The following TEX51 variants were observed in gnomAD, a reference collection of about 807,000 sequenced individuals.
TEX51 encodes testis expressed 51.
Under a neutral mutation model 8.0 loss-of-function variants are expected in TEX51, and 14 were observed. The observed-to-expected ratio is 1.76, with a 90% CI of 1.16 to 2.75. The LOEUF (loss-of-function observed/expected upper bound fraction) is 2.75, where lower values mean the gene tolerates loss of function less well. Among genes scored for constraint, TEX51 ranks in the 30% most tolerant of loss-of-function variants. The pLI, the probability that TEX51 is intolerant of heterozygous loss-of-function variation, is 0.00. For missense variants in TEX51, 142 were observed against 77.4 expected (o/e 1.83, Z -3.13); for synonymous variants, 58 against 28.6 (o/e 2.03, Z -3.29).
In TEX51 at chr2:126,901,416, G is replaced by A. The variant is rs980681328; in HGVS notation, c.*2+12G>A. On this transcript the variant is annotated intron_variant, in intron 6 of 6. Transcript: ENST00000568484. The stretch of plus-strand genomic sequence containing the variant: ...AGGAGGCAGTAAAGGTACTGGGAAA[G>A]GAGACCCCGACCCAATTCTAGGGCT... 2.8e-6 allele frequency: 2 copies of A among 702,304 alleles called. No individual in the cohort carries two copies. Among genetic ancestry groups the A allele is most frequent in the Non-Finnish European group, 5.2e-6 (2 of 384,798 alleles). The allele number at this position is 702,304 out of a possible 1,614,324, so 43.5% of individuals were successfully genotyped here. A position where few individuals can be genotyped will look rare whatever the true frequency, so the allele number is the denominator to read the frequency against.
chr2:126,898,906 A>T lies in TEX51; in HGVS notation c.-13A>T. 1 of 696,714 alleles carries T rather than the reference A, an allele frequency of 1.4e-6. No homozygotes were observed. Among genetic ancestry groups the T allele is most frequent in the Non-Finnish European group, 2.6e-6 (1 of 381,936 alleles). 43.2% of individuals were successfully genotyped at this position (696,714 alleles called of 1,614,324 possible). A position where few individuals can be genotyped will look rare whatever the true frequency, so the allele number is the denominator to read the frequency against. On this transcript the variant is annotated 5_prime_UTR_variant, in exon 1 of 7. Coordinates refer to ENST00000568484, the MANE Select transcript of TEX51 (RefSeq NM_001322244.2). ...AGGCAGGGCACTGGGGCACAGTAGG[A>T]GGAACCCAGAAGATGCTGCCTCTCC...
chr2:126,900,854 C>A (rs1044897677), intron 4 of TEX51, among the ~76,000 whole-genome samples: 3 of 152,336 alleles, frequency 2.0e-5, no homozygotes, highest in African/African-American at 4.8e-5. Context: ...TATCCTTGAG[C>A]GTGTCCTGTG....
In TEX51 at chr2:126,899,947, A is replaced by G. The variant is rs1460088912; in HGVS notation, c.322A>G (p.Thr108Ala). Residue 108 changes from threonine to alanine, a missense_variant, in exon 4 of 7, where the codon ACA becomes GCA. Coordinates refer to ENST00000568484, the MANE Select transcript of TEX51 (RefSeq NM_001322244.2). The stretch of plus-strand genomic sequence containing the variant: ...CTCCCCTCCCATAGACATACAGTCC[A>G]CACTGAAGGTCACCAGCTGTGCTGA... The part of the protein sequence containing the change: ...DGLKEKDIQS[T>A]LKVTSCADCR... The G allele has an allele frequency of 1.4e-6, 1 of 701,884 alleles. No homozygotes were observed. Among genetic ancestry groups the G allele is most frequent in the Non-Finnish European group, 2.6e-6 (1 of 384,732 alleles). The allele number at this position is 701,884 out of a possible 1,614,324, so 43.5% of individuals were successfully genotyped here. A position where few individuals can be genotyped will look rare whatever the true frequency, so the allele number is the denominator to read the frequency against.
At chr2:126,899,377 A>T (rs1168786912) in intron 2 of TEX51, 86 bp downstream of exon 2, 1 of 695,516 alleles carries the variant, frequency 1.4e-6, no homozygotes, top group African/African-American at 1.8e-5. Flanking sequence ...CCATGTGGCC[A>T]TGGGTGGGAG....
chr2:126,900,000 T>C lies in TEX51; in HGVS notation c.375T>C (p.Asn125=), dbSNP rs763541440. ...GCAGGACTCACTTCCTCTCCTGCAATGACCCCACTTTCTGCCCAGGTCAGT... is the reference window on the plus strand; with the variant it reads ...GCAGGACTCACTTCCTCTCCTGCAACGACCCCACTTTCTGCCCAGGTCAGT... ...ADCRTHFLSC[N]DPTFCPARNR... The change falls in exon 4 of 7, where the codon AAT becomes AAC. Residue 125 remains asparagine (N), a synonymous_variant. Coordinates refer to ENST00000568484, the MANE Select transcript of TEX51 (RefSeq NM_001322244.2). 444 of 700,830 alleles carry C rather than the reference T, an allele frequency of 6.3e-4. 1 individual carries two copies. The highest frequency in any genetic ancestry group is 1.1e-3 in the Non-Finnish European group (411 of 384,770). 43.4% of individuals were successfully genotyped at this position (700,830 alleles called of 1,614,324 possible).
rs1558745456 is a variant in TEX51, at chr2:126,899,518, C to A, written c.221-5C>A. ...TGAACACCCCTTCCCTCCTGCTCTA[C>A]CCAGATAAAACAGTACTTCTGGAAG... On this transcript the variant is annotated splice_polypyrimidine_tract_variant and splice_region_variant and intron_variant, in intron 2 of 6. Transcript: ENST00000568484. 10 of 692,946 alleles carry A rather than the reference C, an allele frequency of 1.4e-5. No individual in the cohort carries two copies. 42.9% of individuals were successfully genotyped at this position (692,946 alleles called of 1,614,324 possible).
intron 4 of TEX51, 27 bp from the exon 5 acceptor site, chr2:126,901,183 C>T: frequency 1.6e-6 from 1 of 618,668 alleles, no homozygotes. Context: ...GGCCTCCAAA[C>T]ACCTGGCTTC....
intron 6 of TEX51, 169 bp downstream of exon 6, chr2:126,901,573 T>C (rs1394679862): frequency 1.6e-6 from 1 of 608,524 alleles, no homozygotes; most frequent in Non-Finnish European, 2.9e-6. Context: ...CTCATCAGCC[T>C]CCATATATGC....
At chr2:126,900,106 A>T in intron 4 of TEX51, 87 bp downstream of exon 4, 1 of 689,824 alleles carries the variant, frequency 1.4e-6, no homozygotes, top group Non-Finnish European at 2.7e-6. Context: ...TCTTTTGCCC[A>T]ACTCAAGCTT....
rs534198143 is a variant in TEX51 at position 126,899,949 on chromosome 2, A to C, written c.324A>C (p.Thr108=). 1.9e-4 allele frequency: 131 copies of C among 701,748 alleles called. No homozygotes were observed. The African/African-American group carries it at 1.9e-3, about 10-fold the overall frequency. The allele number at this position is 701,748 out of a possible 1,614,324, so 43.5% of individuals were successfully genotyped here. A position where few individuals can be genotyped will look rare whatever the true frequency, so the allele number is the denominator to read the frequency against. Residue 108 remains threonine (T), a synonymous_variant, in exon 4 of 7, where the codon ACA becomes ACC. Transcript: ENST00000568484. ...CCCCTCCCATAGACATACAGTCCACACTGAAGGTCACCAGCTGTGCTGACT... is the reference window on the plus strand; with the variant it reads ...CCCCTCCCATAGACATACAGTCCACCCTGAAGGTCACCAGCTGTGCTGACT... The part of the protein sequence containing the change: ...DGLKEKDIQS[T]LKVTSCADCR...
intron 2 of TEX51, 62 bp downstream of exon 2, chr2:126,899,353 G>A: frequency 1.4e-6 from 1 of 700,376 alleles, no homozygotes; most frequent in Non-Finnish European, 2.6e-6. Context: ...ACCCTCCAAG[G>A]CATTCTCAGA....
Position 126,900,613 on chromosome 2 carries a change from C to A in TEX51, c.394+594C>A, listed in dbSNP as rs77108556. Among the ~76,000 whole-genome samples the A allele has an allele frequency of 7.0e-4, 107 of 152,152 alleles. 1 individual carries two copies. The East Asian group carries it at 0.02, about 29-fold the overall frequency. On this transcript the variant is annotated intron_variant, in intron 4 of 6. Transcript: ENST00000568484. ...TCCCATAGTTTCATTCTAACCTCCA[C>A]TCTCAGGCCTCCTCATCTCTCATCT...
chr2:126,901,722 C>A (rs1680342125), intron 6 of TEX51, 150 bp from the exon 7 acceptor site: 1 of 573,438 alleles, frequency 1.7e-6, no homozygotes, highest in South Asian at 2.3e-5. Flanking sequence ...CTGCCCTGAC[C>A]CACAGGGACC....
chr2:126,901,578 A>G (rs1402009033), intron 6 of TEX51, 174 bp downstream of exon 6: 1 of 605,402 alleles, frequency 1.7e-6, no homozygotes, highest in Non-Finnish European at 2.9e-6. Flanking sequence ...CAGCCTCCAT[A>G]TATGCAGACA....
intron 2 of TEX51, 22 bp from the exon 3 acceptor site, chr2:126,899,501 C>G: frequency 1.4e-6 from 1 of 696,246 alleles, no homozygotes; most frequent in South Asian, 1.5e-5. Flanking sequence ...CCTGAACACC[C>G]CTTCCCTCCT....
chr2:126,901,809 A>G (rs1042707434), intron 6 of TEX51, 63 bp from the exon 7 acceptor site: 1 of 569,016 alleles, frequency 1.8e-6, no homozygotes, highest in Non-Finnish European at 3.1e-6. Context: ...TTAGAGAGAC[A>G]GGGAGGAGGC....
At chr2:126,899,915 C>A in intron 3 of TEX51, 21 bp from the exon 4 acceptor site, 1 of 702,214 alleles carries the variant, frequency 1.4e-6, no homozygotes, top group Admixed American at 2.0e-5. Flanking sequence ...CCCCCTAGCC[C>A]CTGTCCCTCC....
At position 126,899,583 on chromosome 2, in the gene TEX51, AT is replaced by A; in HGVS notation, c.282del (p.Asn94LysfsTer7). ...THKNLFTERLNKISDGLKEKD... is the reference protein window; with the variant it reads ...THKNLFTERLXKISDGLKEKD... The stretch of plus-strand genomic sequence containing the variant: ...AAGAATCTCTTTACTGAGAGGCTGA[AT>A]AAGATATCTGATGGGCTGAAGGAGA... On this transcript the variant is annotated frameshift_variant, in exon 3 of 7. Transcript: ENST00000568484. LOFTEE classifies it high-confidence loss of function. 1 of 702,154 alleles carries A rather than the reference AT, an allele frequency of 1.4e-6. No homozygotes were observed. Among genetic ancestry groups the A allele is most frequent in the Non-Finnish European group, 2.6e-6 (1 of 384,762 alleles). 43.5% of individuals were successfully genotyped at this position (702,154 alleles called of 1,614,324 possible).
In TEX51 at chr2:126,901,936, T is replaced by A; in HGVS notation, c.*67T>A. 1.5e-6 allele frequency: 1 copy of A among 670,822 alleles called. No homozygotes were observed. Among genetic ancestry groups the A allele is most frequent in the Non-Finnish European group, 2.7e-6 (1 of 368,990 alleles). The allele number at this position is 670,822 out of a possible 1,614,324, so 41.6% of individuals were successfully genotyped here. ...GCCGCAGCTACCACCGTCACAAAGT[T>A]CACTCATCTCTGGGTCCCGGTGACC... On this transcript the variant is annotated 3_prime_UTR_variant, in exon 7 of 7. Transcript: ENST00000568484.
Sources: gnomAD v4.1 joint callset for allele counts (sites outside exome capture counted in the v4.1 genomes callset) on GRCh38, gnomAD v4.1.1 for gene constraint, MANE v1.5 for transcripts, NCBI Gene and HGNC (gene_info 2026-07-23, HGNC 2026-07-21) for gene names.